RBFOX1: variants seen among roughly 807,000 people sequenced by gnomAD.
RBFOX1 encodes RNA binding protein fox-1 homolog 1.
A neutral mutation model predicts 57.7 loss-of-function variants in RBFOX1; 8 were observed. That is an observed-to-expected ratio of 0.14 (90% CI 0.08 to 0.25). RBFOX1 has a LOEUF of 0.25. RBFOX1 is among the 10% of genes least tolerant of loss of function. The pLI is 1.00. For missense variants in RBFOX1, 611 were observed against 548.5 expected, an observed-to-expected ratio of 1.11 and a Z score of -1.14; for synonymous variants, 326 against 222.4, an observed-to-expected ratio of 1.47 and a Z score of -4.15.
intron 4 of RBFOX1, among the ~76,000 whole-genome samples, chr16:7,406,928 G>C (rs113489756): frequency 6.6e-6 from 1 of 152,186 alleles, no homozygotes; most frequent in Non-Finnish European, 1.5e-5. Context: ...AATGCTATCA[G>C]TGTAGCATTT....
At chr16:7,317,277 C>T (rs1239910612) in intron 4 of RBFOX1, among the ~76,000 whole-genome samples, 2 of 152,166 alleles carry the variant, frequency 1.3e-5, no homozygotes, top group African/African-American at 2.4e-5. Context: ...ATGCAACTCC[C>T]TGAAGTCAGA....
intron 2 of RBFOX1, among the ~76,000 whole-genome samples, chr16:6,475,316 A>C (rs2095256023): frequency 6.6e-6 from 1 of 152,196 alleles, no homozygotes; most frequent in African/African-American, 2.4e-5. Flanking sequence ...CTCAAGGATG[A>C]GGCTATATGT....
chr16:6,918,694 G>C (rs192094563), intron 3 of RBFOX1, among the ~76,000 whole-genome samples: 2 of 152,278 alleles, frequency 1.3e-5, no homozygotes, highest in African/African-American at 4.8e-5. Context: ...GGTCGTTTCA[G>C]AGAAAGAAAT....
Position 7,289,784 on chromosome 16 carries a change from A to G in RBFOX1, c.28-228363A>G, listed in dbSNP as rs200948790. Among the ~76,000 whole-genome samples, 5 of 152,208 alleles carry G rather than the reference A, an allele frequency of 3.3e-5. No homozygotes were observed. In the East Asian group the frequency reaches 9.6e-4, roughly 29 times the overall value. On this transcript the variant is annotated intron_variant, in intron 4 of 15. Coordinates refer to ENST00000550418, the MANE Select transcript of RBFOX1 (RefSeq NM_018723.4). Reference sequence around the variant, plus strand: ...ATGCTATCAAATTTAGTCTTGTGAGATAAAAATATTAGTGCTTGTCTCACT... The same window carrying G: ...ATGCTATCAAATTTAGTCTTGTGAGGTAAAAATATTAGTGCTTGTCTCACT...
At chr16:5,680,576 C>T (rs1283774812) in intron 3 of RBFOX1, among the ~76,000 whole-genome samples, 2 of 152,066 alleles carry the variant, frequency 1.3e-5, no homozygotes, top group East Asian at 3.9e-4. Flanking sequence ...GTAGACAGAC[C>T]TGTTGGAGGC....
chr16:6,157,057 C>A (rs10163265), intron 1 of RBFOX1, among the ~76,000 whole-genome samples: 24,047 of 151,810 alleles, frequency 0.16, 3,518 homozygotes, highest in African/African-American at 0.39. Context: ...GCTGCTCTCT[C>A]ACTCCTGGTC....
At chr16:5,660,520 G>C (rs971123000) in intron 3 of RBFOX1, among the ~76,000 whole-genome samples, 1 of 152,092 alleles carries the variant, frequency 6.6e-6, no homozygotes, top group African/African-American at 2.4e-5. Context: ...CGTTCTTTTA[G>C]GTTTATTAAA....
intron 4 of RBFOX1, chr16:7,510,385 G>A (rs1287912263): frequency 5.2e-6 from 5 of 963,662 alleles, no homozygotes; most frequent in Non-Finnish European, 6.2e-6. Context: ...AGCTTTTCTT[G>A]TGTTAAGTCC....
chr16:5,536,102 C>CT (rs2044685540), intron 2 of RBFOX1, among the ~76,000 whole-genome samples: 8 of 145,690 alleles, frequency 5.5e-5, no homozygotes, highest in Non-Finnish European at 1.2e-4. Flanking sequence ...CAAGCCCCCC[C>CT]CCCCTTTTTT....
intron 4 of RBFOX1, among the ~76,000 whole-genome samples, chr16:6,003,408 G>A (rs993044083): frequency 2.0e-5 from 3 of 151,820 alleles, no homozygotes; most frequent in Non-Finnish European, 2.9e-5. Context: ...TCCTCTCAAT[G>A]CACCTGCTCC....
rs540185087 is a variant in RBFOX1 at position 6,888,684 on chromosome 16, A to G, written c.-15-163373A>G. On this transcript the variant is annotated intron_variant, in intron 3 of 15. Coordinates refer to ENST00000550418, the MANE Select transcript of RBFOX1 (RefSeq NM_018723.4). ...TGACCCAGATGTCTCCTGTATTCTA[A>G]GATCCTAGTAAAAAAGCTGGGGGAA... is the stretch of plus-strand genomic sequence containing the variant. Among the ~76,000 whole-genome samples, 10 of 152,302 alleles carry G rather than the reference A, an allele frequency of 6.6e-5. No homozygotes were observed. In the South Asian group the frequency reaches 2.1e-3, roughly 32 times the overall value.
At chr16:6,841,479 G>A (rs986251136) in intron 3 of RBFOX1, among the ~76,000 whole-genome samples, 1 of 152,112 alleles carries the variant, frequency 6.6e-6, no homozygotes, top group Non-Finnish European at 1.5e-5. Context: ...CTGAGTGGAA[G>A]GGGAGAGTCA....
chr16:6,391,104 A>G (rs2092578977), intron 2 of RBFOX1, among the ~76,000 whole-genome samples: 1 of 152,150 alleles, frequency 6.6e-6, no homozygotes, highest in Non-Finnish European at 1.5e-5. Context: ...TCCCCTCCAA[A>G]TGTGACAAAA....
intron 3 of RBFOX1, among the ~76,000 whole-genome samples, chr16:5,667,178 A>G (rs528457847): frequency 6.6e-6 from 1 of 152,282 alleles, no homozygotes; most frequent in East Asian, 1.9e-4. Flanking sequence ...TGGCTTCATT[A>G]ACATTTTGTT....
At chr16:7,519,709 A>T (rs1600717363) in intron 5 of RBFOX1, 2 of 985,156 alleles carry the variant, frequency 2.0e-6, no homozygotes, top group African/African-American at 3.5e-5. Context: ...ACATTTTTTG[A>T]GTGTAAGGCA....
chr16:5,974,308 C>T (rs752676099), intron 4 of RBFOX1, among the ~76,000 whole-genome samples: 3 of 152,112 alleles, frequency 2.0e-5, no homozygotes, highest in Non-Finnish European at 2.9e-5. Context: ...GAGAAACATA[C>T]CTGATTAAAA....
intron 4 of RBFOX1, among the ~76,000 whole-genome samples, chr16:7,342,340 G>A (rs1023829053): frequency 1.3e-5 from 2 of 152,096 alleles, no homozygotes; most frequent in African/African-American, 4.8e-5. Flanking sequence ...CCACTCAGAC[G>A]CATCTGAGTT....
intron 3 of RBFOX1, chr16:6,723,706 C>A (rs2066504934): frequency 6.6e-6 from 1 of 151,982 alleles, no homozygotes. Context: ...GAATGAGTTA[C>A]AGAAAGCTGC....
At chr16:5,840,528 C>A (rs546836871) in intron 3 of RBFOX1, among the ~76,000 whole-genome samples, 5 of 152,252 alleles carry the variant, frequency 3.3e-5, no homozygotes, top group African/African-American at 1.2e-4. Flanking sequence ...GAACACAGCT[C>A]CCCCACTGCC....
Sources: gnomAD v4.1 joint callset for allele counts (sites outside exome capture counted in the v4.1 genomes callset) on GRCh38, gnomAD v4.1.1 for gene constraint, MANE v1.5 for transcripts, NCBI Gene and HGNC (gene_info 2026-07-23, HGNC 2026-07-21) for gene names.